The following SMOC2 variants were observed in gnomAD, a reference collection of about 807,000 sequenced individuals.
SMOC2 encodes SPARC related modular calcium binding 2.
SMOC2 carries 39 observed loss-of-function variants against 61.4 expected under a neutral mutation model. That is an observed-to-expected ratio of 0.64 (90% CI 0.49 to 0.83). The LOEUF is 0.83. SMOC2 is among the 40% of genes least tolerant of loss of function. The pLI is 0.00. For missense variants in SMOC2, 556 were observed against 592.9 expected (o/e 0.94, Z 0.65); for synonymous variants, 247 against 239.9 (o/e 1.03, Z -0.27).
chr6:168,640,709 CCTT>C (rs1472566745), intron 9 of SMOC2, among the ~76,000 whole-genome samples: 2 of 152,006 alleles, frequency 1.3e-5, no homozygotes, highest in Admixed American at 1.3e-4. Context: ...AAGACTGACT[CCTT>C]AAGTTTTTCA....
chr6:168,523,079 A>ATTTTTT (rs1554287070), intron 2 of SMOC2, among the ~76,000 whole-genome samples: 1 of 93,660 alleles, frequency 1.1e-5, no homozygotes, highest in East Asian at 4.1e-4. Flanking sequence ...TTGTACAGTA[A>ATTTTTT]TTTTTTTTTT....
chr6:168,511,611 T>G lies in SMOC2; in HGVS notation c.256+1525T>G, dbSNP rs34214844. Among the ~76,000 whole-genome samples the G allele has an allele frequency of 1.4e-3, 219 of 152,244 alleles. 1 individual carries two copies. Among genetic ancestry groups the G allele is most frequent in the Non-Finnish European group, 2.0e-3 (137 of 68,014 alleles). The stretch of plus-strand genomic sequence containing the variant: ...TGCATCCCTGTCATTAAGAAACATG[T>G]GACTTTTCCCAGATTTAGTGCTCTG... On this transcript the variant is annotated intron_variant, in intron 2 of 12. Transcript: ENST00000356284.
chr6:168,543,310 T>C (rs1278469306), intron 4 of SMOC2, among the ~76,000 whole-genome samples: 2 of 152,174 alleles, frequency 1.3e-5, no homozygotes, highest in Non-Finnish European at 1.5e-5. Flanking sequence ...TACCCCAACA[T>C]GGGTATGTAT....
At chr6:168,471,378 T>C (rs564759274) in intron 1 of SMOC2, among the ~76,000 whole-genome samples, 1 of 152,214 alleles carries the variant, frequency 6.6e-6, no homozygotes, top group East Asian at 1.9e-4. Flanking sequence ...CCTGGCATAA[T>C]GGCCTCAAGG....
At chr6:168,659,388 G>C (rs2115285531) in intron 11 of SMOC2, among the ~76,000 whole-genome samples, 1 of 152,258 alleles carries the variant, frequency 6.6e-6, no homozygotes, top group South Asian at 2.1e-4. Context: ...TGATTTCCCA[G>C]GCAGGCTTGC....
chr6:168,655,366 T>C lies in SMOC2; in HGVS notation c.1285+2138T>C, dbSNP rs532754219. On this transcript the variant is annotated intron_variant, in intron 11 of 12. Coordinates refer to ENST00000356284, the MANE Select transcript of SMOC2 (RefSeq NM_001166412.2). The stretch of plus-strand genomic sequence containing the variant: ...TTTTAACAATTGAAAATACTTTTTT[T>C]TGTGGGCCTGGCCTACCCAACCGTG... 1.3e-5 allele frequency: 6 copies of C among 455,824 alleles called. No individual in the cohort carries two copies. In the East Asian group the frequency reaches 2.1e-4, roughly 16 times the overall value. 28.2% of individuals were successfully genotyped at this position (455,824 alleles called of 1,614,324 possible).
At chr6:168,584,441 C>A (rs542161031) in intron 7 of SMOC2, among the ~76,000 whole-genome samples, 2 of 152,094 alleles carry the variant, frequency 1.3e-5, no homozygotes, top group African/African-American at 4.8e-5. Flanking sequence ...CCAAACTTGG[C>A]AAGAGTTGGG....
At chr6:168,625,001 G>T (rs1412789820) in intron 9 of SMOC2, among the ~76,000 whole-genome samples, 1 of 152,096 alleles carries the variant, frequency 6.6e-6, no homozygotes. Context: ...AGCACCATCT[G>T]GGTCAGATTG....
chr6:168,511,814 G>GTT (rs56346133), intron 2 of SMOC2, among the ~76,000 whole-genome samples: 1 of 142,804 alleles, frequency 7.0e-6, no homozygotes, highest in Non-Finnish European at 1.5e-5. Flanking sequence ...ATCAAGGGTT[G>GTT]TTTTTTTTTT....
At chr6:168,442,948 C>T (rs955993209) in intron 1 of SMOC2, among the ~76,000 whole-genome samples, 2 of 152,242 alleles carry the variant, frequency 1.3e-5, no homozygotes, top group African/African-American at 4.8e-5. Context: ...AGAGGATACT[C>T]ACTGGAGGCA....
At chr6:168,525,776 C>T (rs1783439329) in intron 2 of SMOC2, among the ~76,000 whole-genome samples, 1 of 152,178 alleles carries the variant, frequency 6.6e-6, no homozygotes, top group African/African-American at 2.4e-5. Flanking sequence ...GAGCCACGCT[C>T]TCCTCTCAGG....
At chr6:168,510,123 A>G (rs1782972539) in intron 2 of SMOC2, 37 bp downstream of exon 2, 1 of 1,579,810 alleles carries the variant, frequency 6.3e-7, no homozygotes, top group Non-Finnish European at 8.7e-7. Flanking sequence ...AAAGATGGGT[A>G]CATCCATCAT....
At chr6:168,455,888 G>T (rs1781571117) in intron 1 of SMOC2, among the ~76,000 whole-genome samples, 2 of 152,218 alleles carry the variant, frequency 1.3e-5, no homozygotes, top group South Asian at 4.1e-4. Flanking sequence ...AGCATTAGAG[G>T]ACTAGGGTGA....
chr6:168,441,977 T>C (rs1248684467), intron 1 of SMOC2, among the ~76,000 whole-genome samples: 4 of 152,184 alleles, frequency 2.6e-5, no homozygotes, highest in African/African-American at 4.8e-5. Flanking sequence ...CCCGACCGCT[T>C]TGGGCTCGTG....
chr6:168,631,990 A>T (rs961102726), intron 9 of SMOC2, among the ~76,000 whole-genome samples: 2 of 152,236 alleles, frequency 1.3e-5, no homozygotes, highest in African/African-American at 2.4e-5. Flanking sequence ...TGCATTCCAC[A>T]TGCAATTCCT....
intron 9 of SMOC2, among the ~76,000 whole-genome samples, chr6:168,631,721 T>C (rs1242741100): frequency 1.4e-5 from 2 of 146,748 alleles, no homozygotes; most frequent in East Asian, 3.8e-4. Flanking sequence ...TGCACGTGTT[T>C]CTGGTTGGTT....
At chr6:168,481,761 T>C (rs1006227990) in intron 1 of SMOC2, among the ~76,000 whole-genome samples, 2 of 152,012 alleles carry the variant, frequency 1.3e-5, no homozygotes, top group Admixed American at 6.5e-5. Flanking sequence ...ATATGATGTC[T>C]ACAAGAGACT....
intron 1 of SMOC2, among the ~76,000 whole-genome samples, chr6:168,456,853 T>C (rs1266736661): frequency 1.3e-5 from 2 of 152,110 alleles, no homozygotes; most frequent in African/African-American, 4.8e-5. Flanking sequence ...GGCTGCTCCA[T>C]GTGGGCAACG....
chr6:168,555,910 A>C (rs529422421), intron 7 of SMOC2, among the ~76,000 whole-genome samples: 1 of 152,260 alleles, frequency 6.6e-6, no homozygotes, highest in South Asian at 2.1e-4. Flanking sequence ...CCTTACCAGC[A>C]GGGTGGGCGG....
Sources: gnomAD v4.1 joint callset for allele counts (sites outside exome capture counted in the v4.1 genomes callset) on GRCh38, gnomAD v4.1.1 for gene constraint, MANE v1.5 for transcripts, NCBI Gene and HGNC (gene_info 2026-07-23, HGNC 2026-07-21) for gene names.